Variants in SLC13A3 observed in about 807,000 individuals in gnomAD.
The protein encoded by SLC13A3 is Na(+)/dicarboxylate cotransporter 3.
Under a neutral mutation model 59.0 loss-of-function variants are expected in SLC13A3, and 40 were observed. The observed-to-expected ratio is 0.68, with a 90% CI of 0.53 to 0.88. The LOEUF (loss-of-function observed/expected upper bound fraction) is 0.88, where lower values mean the gene tolerates loss of function less well. Ranked by LOEUF, SLC13A3 falls within the 40% of genes least tolerant of loss-of-function variation. The pLI, the probability that SLC13A3 is intolerant of heterozygous loss-of-function variation, is 0.00. For missense variants in SLC13A3, 699 were observed against 783.2 expected (o/e 0.89, Z 1.28); for synonymous variants, 317 against 330.3 (o/e 0.96, Z 0.44).
At chr20:46,604,934 C>A (rs1335798919) in intron 3 of SLC13A3, among the ~76,000 whole-genome samples, 1 of 152,152 alleles carries the variant, frequency 6.6e-6, no homozygotes. Flanking sequence ...CTCGCTCTAC[C>A]CTCTTCCCAC....
chr20:46,597,750 A>G (rs2062329234), intron 4 of SLC13A3, among the ~76,000 whole-genome samples: 1 of 152,240 alleles, frequency 6.6e-6, no homozygotes, highest in African/African-American at 2.4e-5. Context: ...ATCTATGTAT[A>G]CAGCTGTCTG....
chr20:46,662,515 G>A (rs2122914931), intron 1 of SLC13A3, among the ~76,000 whole-genome samples: 1 of 152,236 alleles, frequency 6.6e-6, no homozygotes, highest in South Asian at 2.1e-4. Context: ...AGACTTATGG[G>A]TACCCGATAT....
chr20:46,620,436 C>T (rs1032473755), intron 1 of SLC13A3, among the ~76,000 whole-genome samples: 5 of 151,974 alleles, frequency 3.3e-5, no homozygotes, highest in Admixed American at 1.3e-4. Flanking sequence ...AAGGATAGTT[C>T]GAAAACAGCC....
intron 8 of SLC13A3, chr20:46,584,268 G>A (rs2062170121): frequency 1.0e-6 from 1 of 985,320 alleles, no homozygotes; most frequent in African/African-American, 1.7e-5. Flanking sequence ...GAAACAACTT[G>A]TTCAAGGGCA....
intron 1 of SLC13A3, among the ~76,000 whole-genome samples, chr20:46,676,246 G>A (rs1340291838): frequency 6.6e-6 from 1 of 151,834 alleles, no homozygotes; most frequent in East Asian, 1.9e-4. Context: ...ATACTGAAAA[G>A]TACCCATATA....
upstream of SLC13A3, among the ~76,000 whole-genome samples, chr20:46,672,082 G>T (rs1203663559): frequency 1.3e-5 from 2 of 152,198 alleles, no homozygotes; most frequent in African/African-American, 4.8e-5. Context: ...CAGTCCAGGG[G>T]TCCTTCCACC....
At position 46,583,437 on chromosome 20, in the gene SLC13A3, A is replaced by C. The variant is rs554501845; in HGVS notation, c.1219+135T>G. 2.2e-5 allele frequency: 32 copies of C among 1,455,280 alleles called. No homozygotes were observed. The African/African-American group carries it at 4.1e-4, about 19-fold the overall frequency. The allele number at this position is 1,455,280 out of a possible 1,614,324, so 90.1% of individuals were successfully genotyped here. A position where few individuals can be genotyped will look rare whatever the true frequency, so the allele number is the denominator to read the frequency against. ...CAGCCCTCAGTCCCCAGACAAGGCA[A>C]TGGCTCAGACAGTGAAAGGAGAAGC... On this transcript the variant is annotated intron_variant, in intron 9 of 12. Transcript: ENST00000279027.
At position 46,632,911 on chromosome 20, in the gene SLC13A3, A is replaced by AGATAGACAGATAGCTCTT. The variant is rs1253627891; in HGVS notation, c.111+18399_111+18400insAAGAGCTATCTGTCTATC. On this transcript the variant is annotated intron_variant, in intron 1 of 12. Transcript: ENST00000279027. ...TAGATAGATAGATAGATAGATAGAT[A>AGATAGACAGATAGCTCTT]TATCTATCTATCTATCTATCTATCT... 9.1e-3 allele frequency among the ~76,000 whole-genome samples: 506 copies of AGATAGACAGATAGCTCTT among 55,566 alleles called. 13 individuals carry two copies. Among genetic ancestry groups the AGATAGACAGATAGCTCTT allele is most frequent in the South Asian group, 0.018 (26 of 1,412 alleles). The allele number at this position is 55,566 out of a possible 152,430, so 36.5% of individuals were successfully genotyped here.
At chr20:46,655,096 A>C (rs886983196), upstream of SLC13A3, among the ~76,000 whole-genome samples, 1 of 151,546 alleles carries the variant, frequency 6.6e-6, no homozygotes, top group Admixed American at 6.6e-5. Context: ...ATATTTTCCA[A>C]GATTTCTTTT....
chr20:46,592,664 T>C lies in SLC13A3; in HGVS notation c.795-135A>G, dbSNP rs528703054. 6 of 876,884 alleles carry C rather than the reference T, an allele frequency of 6.8e-6. No individual in the cohort carries two copies. The African/African-American group carries it at 1.0e-4, about 15-fold the overall frequency. 54.3% of individuals were successfully genotyped at this position (876,884 alleles called of 1,614,324 possible). On this transcript the variant is annotated intron_variant, in intron 5 of 12. Coordinates refer to ENST00000279027, the MANE Select transcript of SLC13A3 (RefSeq NM_022829.6). The stretch of plus-strand genomic sequence containing the variant: ...TCCCATGGAAGTCTTGGGAACAGTG[T>C]TTTCCACCAATTCTAATAGAAGCAC...
At chr20:46,666,850 C>T (rs1055536709) in intron 1 of SLC13A3, among the ~76,000 whole-genome samples, 1 of 152,012 alleles carries the variant, frequency 6.6e-6, no homozygotes, top group Non-Finnish European at 1.5e-5. Context: ...TTAGAAAGCT[C>T]TCTGTTTAAC....
intron 1 of SLC13A3, among the ~76,000 whole-genome samples, chr20:46,677,561 T>C (rs1285220703): frequency 6.6e-6 from 1 of 152,072 alleles, no homozygotes; most frequent in African/African-American, 2.4e-5. Flanking sequence ...TTTACTAAGA[T>C]GGGAAACTTG....
chr20:46,655,481 A>G (rs1362101898), upstream of SLC13A3, among the ~76,000 whole-genome samples: 1 of 148,340 alleles, frequency 6.7e-6, no homozygotes, highest in Admixed American at 6.8e-5. Flanking sequence ...ACATGTATAT[A>G]TATGTGTGTG....
At chr20:46,614,553 T>C (rs1284735542) in intron 1 of SLC13A3, among the ~76,000 whole-genome samples, 6 of 152,208 alleles carry the variant, frequency 3.9e-5, no homozygotes, top group Admixed American at 3.9e-4. Flanking sequence ...GCCACATCCT[T>C]ACACGGTACT....
chr20:46,600,546 T>C (rs1027293877), intron 3 of SLC13A3: 1 of 422,388 alleles, frequency 2.4e-6, no homozygotes, highest in Non-Finnish European at 5.1e-6. Context: ...GGGGTTTAGC[T>C]GCAGGGCTGC....
chr20:46,658,382 A>C (rs1159614054), intron 1 of SLC13A3, among the ~76,000 whole-genome samples: 1 of 152,162 alleles, frequency 6.6e-6, no homozygotes, highest in Non-Finnish European at 1.5e-5. Flanking sequence ...AGCATGAGGA[A>C]ATGTATAGGG....
At chr20:46,677,647 CCTGG>C (rs1473179873) in intron 1 of SLC13A3, among the ~76,000 whole-genome samples, 1 of 151,976 alleles carries the variant, frequency 6.6e-6, no homozygotes, top group Non-Finnish European at 1.5e-5. Context: ...CCCGTGAGGC[CCTGG>C]GGAAGATACA....
intron 1 of SLC13A3, among the ~76,000 whole-genome samples, chr20:46,661,020 T>C (rs1021099954): frequency 4.6e-5 from 7 of 152,230 alleles, no homozygotes; most frequent in Admixed American, 3.9e-4. Context: ...CATTTGTTTA[T>C]GCATGTTGTT....
chr20:46,579,609 C>CTCCT (rs1358032101), intron 9 of SLC13A3, among the ~76,000 whole-genome samples: 8 of 152,016 alleles, frequency 5.3e-5, no homozygotes, highest in Non-Finnish European at 1.0e-4. Flanking sequence ...AGTTCCCTCC[C>CTCCT]CACCCACTGG....
Sources: allele counts gnomAD v4.1 joint callset (sites outside exome capture counted in the v4.1 genomes callset), GRCh38; gene constraint gnomAD v4.1.1; transcripts MANE v1.5; gene names NCBI Gene and HGNC (gene_info 2026-07-23, HGNC 2026-07-21).